LINGO2: variants seen among roughly 807,000 people sequenced by gnomAD.
LINGO2 encodes the protein leucine-rich repeat and immunoglobulin-like domain-containing nogo receptor-interacting protein 2.
A neutral mutation model predicts 30.6 loss-of-function variants in LINGO2; 14 were observed. That is an observed-to-expected ratio of 0.46 (90% CI 0.30 to 0.72). The LOEUF is 0.72. Among genes scored for constraint, LINGO2 ranks in the 30% least tolerant of loss-of-function variants. The pLI is 0.07. For missense variants in LINGO2, 729 were observed against 751.7 expected (o/e 0.97, Z 0.35); for synonymous variants, 317 against 288.5 (o/e 1.10, Z -1.00).
At chr9:28,305,624 T>A (rs1165659619) in intron 3 of LINGO2, among the ~76,000 whole-genome samples, 2 of 151,970 alleles carry the variant, frequency 1.3e-5, no homozygotes, top group African/African-American at 2.4e-5. Flanking sequence ...AATATAAAAT[T>A]AAATGAAATA....
At chr9:29,024,268 A>G in the LINGO2 span, among the ~76,000 whole-genome samples, 1 of 152,114 alleles carries the variant, frequency 6.6e-6, no homozygotes, top group Non-Finnish European at 1.5e-5. Flanking sequence ...ACACTTTAAT[A>G]TATCTATTAA....
intron 4 of LINGO2, among the ~76,000 whole-genome samples, chr9:28,267,944 GA>G (rs573970566): frequency 3.3e-5 from 5 of 151,922 alleles, no homozygotes; most frequent in Non-Finnish European, 7.4e-5. Flanking sequence ...ATAAAATGGG[GA>G]TTTTAATTGG....
intron 4 of LINGO2, among the ~76,000 whole-genome samples, chr9:28,291,556 T>G (rs1256857687): frequency 2.0e-5 from 3 of 152,098 alleles, no homozygotes; most frequent in Non-Finnish European, 4.4e-5. Context: ...ATTTCTAGAA[T>G]GGAATAATAC....
chr9:28,987,709 C>G, the LINGO2 span, among the ~76,000 whole-genome samples: 1 of 151,998 alleles, frequency 6.6e-6, no homozygotes, highest in Admixed American at 6.6e-5. Context: ...ACTCTTTTTT[C>G]TACATCCCAT....
the LINGO2 span, among the ~76,000 whole-genome samples, chr9:28,956,658 CCCTCCCT>C: frequency 1.0e-5 from 1 of 98,768 alleles, no homozygotes; most frequent in African/African-American, 4.0e-5. Context: ...TTCTTTCCCT[CCCTCCCT>C]CCTCCCTCCC....
chr9:28,479,911 GTATATATATATATA>G (rs58972403), intron 1 of LINGO2, among the ~76,000 whole-genome samples: 6,025 of 49,748 alleles, frequency 0.12, 505 homozygotes, highest in Middle Eastern at 0.22. Context: ...ATATACGTAG[GTATATATATATATA>G]TATATATATA....
At chr9:28,347,730 A>G (rs940180633) in intron 3 of LINGO2, among the ~76,000 whole-genome samples, 4 of 152,194 alleles carry the variant, frequency 2.6e-5, no homozygotes, top group African/African-American at 7.2e-5. Flanking sequence ...GGTATTACCC[A>G]GGCGTCATTA....
At chr9:28,582,838 T>C (rs1265071796) in intron 1 of LINGO2, among the ~76,000 whole-genome samples, 1 of 152,106 alleles carries the variant, frequency 6.6e-6, no homozygotes, top group Non-Finnish European at 1.5e-5. Context: ...TTGAACCTTG[T>C]TTATGGTTAG....
At chr9:29,153,281 C>T in the LINGO2 span, among the ~76,000 whole-genome samples, 1 of 151,960 alleles carries the variant, frequency 6.6e-6, no homozygotes, top group African/African-American at 2.4e-5. Context: ...AAGTTGTTTG[C>T]TCATTTAGCT....
intron 3 of LINGO2, among the ~76,000 whole-genome samples, chr9:28,339,672 T>C (rs1171788573): frequency 6.6e-6 from 1 of 152,210 alleles, no homozygotes; most frequent in Non-Finnish European, 1.5e-5. Context: ...AGTTCAGTGA[T>C]GCTTTTAAAT....
intron 4 of LINGO2, among the ~76,000 whole-genome samples, chr9:28,102,641 G>A (rs551165053): frequency 7.2e-5 from 11 of 152,186 alleles, no homozygotes; most frequent in African/African-American, 2.6e-4. Flanking sequence ...GCCAAATTCA[G>A]ATTTGACAGA....
rs148618858 is a variant in LINGO2 at position 28,162,181 on chromosome 9, G to C, written c.-87+133027C>G. On this transcript the variant is annotated intron_variant, in intron 4 of 5. Transcript: ENST00000379992. ...AGAAAGAAACTTATGAGAAAATGCA[G>C]ACAAACGAAAGACTCAGTCAGAGGA... is the stretch of plus-strand genomic sequence containing the variant. Among the ~76,000 whole-genome samples the C allele has an allele frequency of 4.2e-3, 641 of 152,184 alleles. 9 individuals are homozygous for C. The highest frequency in any genetic ancestry group is 0.014 in the African/African-American group (586 of 41,544).
At chr9:28,790,278 C>T in the LINGO2 span, among the ~76,000 whole-genome samples, 2 of 151,340 alleles carry the variant, frequency 1.3e-5, no homozygotes, top group Admixed American at 1.3e-4. Flanking sequence ...CCTCACAATG[C>T]CTACATCATT....
the LINGO2 span, among the ~76,000 whole-genome samples, chr9:29,136,647 C>A: frequency 6.6e-6 from 1 of 152,144 alleles, no homozygotes; most frequent in Non-Finnish European, 1.5e-5. Context: ...TATCTATGAT[C>A]ACCTAATCTT....
chr9:28,603,216 A>G (rs1315126797), intron 1 of LINGO2, among the ~76,000 whole-genome samples: 1 of 152,088 alleles, frequency 6.6e-6, no homozygotes, highest in Admixed American at 6.6e-5. Context: ...AAGTCTGTAC[A>G]GAATTAGGAA....
At chr9:28,705,706 G>C in the LINGO2 span, among the ~76,000 whole-genome samples, 1,477 of 152,220 alleles carry the variant, frequency 9.7e-3, 20 homozygotes, top group South Asian at 0.019. Context: ...GCCCCAGTAT[G>C]AATGTCCTCG....
At chr9:28,691,712 T>G in the LINGO2 span, among the ~76,000 whole-genome samples, 1 of 152,288 alleles carries the variant, frequency 6.6e-6, no homozygotes, top group Non-Finnish European at 1.5e-5. Context: ...TGCATATTAT[T>G]TTATTAAAAT....
intron 1 of LINGO2, among the ~76,000 whole-genome samples, chr9:28,505,442 A>G (rs1820069501): frequency 6.6e-6 from 1 of 151,944 alleles, no homozygotes; most frequent in African/African-American, 2.4e-5. Flanking sequence ...ATAACATTTT[A>G]TTAAGTTTTG....
intron 3 of LINGO2, among the ~76,000 whole-genome samples, chr9:28,316,461 T>G (rs1315330935): frequency 6.6e-6 from 1 of 152,122 alleles, no homozygotes; most frequent in African/African-American, 2.4e-5. Context: ...ATTTAAGATA[T>G]TGCAGGAAGT....
Sources: gnomAD v4.1 joint callset for allele counts (sites outside exome capture counted in the v4.1 genomes callset) on GRCh38, gnomAD v4.1.1 for gene constraint, MANE v1.5 for transcripts, NCBI Gene and HGNC (gene_info 2026-07-23, HGNC 2026-07-21) for gene names.